The following ST6GALNAC3 variants were observed in gnomAD, a reference collection of about 807,000 sequenced individuals.
ST6GALNAC3 encodes the protein ST6 N-acetylgalactosaminide alpha-2,6-sialyltransferase 3, also known as alpha-N-acetylgalactosaminide alpha-2,6-sialyltransferase 3.
ST6GALNAC3 carries 25 observed loss-of-function variants against 32.7 expected under a neutral mutation model. The ratio of observed to expected loss-of-function variants is 0.76; its 90% CI spans 0.56 to 1.07. The LOEUF (loss-of-function observed/expected upper bound fraction) is 1.07, where lower values mean the gene tolerates loss of function less well. Ranked by LOEUF, ST6GALNAC3 falls within the 50% of genes least tolerant of loss-of-function variation. The pLI, the probability that ST6GALNAC3 is intolerant of heterozygous loss-of-function variation, is 0.00. For synonymous variants in ST6GALNAC3, 129 were observed against 133.1 expected, an observed-to-expected ratio of 0.97 and a Z score of 0.21; for missense variants, 355 against 382.4, an observed-to-expected ratio of 0.93 and a Z score of 0.60.
At chr1:76,226,810 G>A (rs527974) in intron 1 of ST6GALNAC3, among the ~76,000 whole-genome samples, 24,320 of 151,922 alleles carry the variant, frequency 0.16, 2,180 homozygotes, top group Middle Eastern at 0.22. Context: ...GATCCATCCC[G>A]CCTACACACA....
intron 1 of ST6GALNAC3, chr1:76,310,005 A>G: frequency 2.0e-6 from 1 of 497,282 alleles, no homozygotes; most frequent in South Asian, 1.5e-5. Context: ...TGCACACAAC[A>G]GTGGATTCAG....
chr1:76,084,497 A>C (rs2100731081), intron 1 of ST6GALNAC3, among the ~76,000 whole-genome samples: 1 of 152,188 alleles, frequency 6.6e-6, no homozygotes, highest in South Asian at 2.1e-4. Context: ...AAGCACTTTT[A>C]TTTGAGTTGT....
At chr1:76,295,101 T>TTG (rs1660317578) in intron 1 of ST6GALNAC3, among the ~76,000 whole-genome samples, 1 of 151,850 alleles carries the variant, frequency 6.6e-6, no homozygotes, top group Non-Finnish European at 1.5e-5. Context: ...ATTTTTTTTT[T>TTG]CCTCTGGAAG....
chr1:76,406,424 A>G (rs1169252190), intron 2 of ST6GALNAC3, among the ~76,000 whole-genome samples: 3 of 152,114 alleles, frequency 2.0e-5, no homozygotes, highest in Non-Finnish European at 4.4e-5. Flanking sequence ...AAACAGTTTG[A>G]AAAGCAAATT....
chr1:76,556,517 T>C (rs1400256925), intron 3 of ST6GALNAC3, among the ~76,000 whole-genome samples: 4 of 152,132 alleles, frequency 2.6e-5, no homozygotes, highest in African/African-American at 9.6e-5. Context: ...ATGAGGGTTC[T>C]GATTTCTCCA....
At chr1:76,340,844 T>C (rs1647906988) in intron 2 of ST6GALNAC3, among the ~76,000 whole-genome samples, 1 of 152,026 alleles carries the variant, frequency 6.6e-6, no homozygotes, top group Non-Finnish European at 1.5e-5. Context: ...CACCTTAGGT[T>C]TAAGGAGCTT....
In ST6GALNAC3 at chr1:76,264,335, A is replaced by G. The variant is rs569800216; in HGVS notation, c.19-49470A>G. On this transcript the variant is annotated intron_variant, in intron 1 of 4. Transcript: ENST00000328299. The stretch of plus-strand genomic sequence containing the variant: ...CTGTCTATCTATATTATAGTCATCA[A>G]ATTATCTTCAGTAACTATGTAGGTG... 2.6e-5 allele frequency among the ~76,000 whole-genome samples: 4 copies of G among 152,188 alleles called. No individual in the cohort carries two copies. In the South Asian group the frequency reaches 8.3e-4, roughly 32 times the overall value.
intron 3 of ST6GALNAC3, among the ~76,000 whole-genome samples, chr1:76,524,159 T>TCTGTTC (rs1381477859): frequency 6.6e-6 from 1 of 152,198 alleles, no homozygotes; most frequent in African/African-American, 2.4e-5. Flanking sequence ...AGCCTGCCAA[T>TCTGTTC]CTGTTCTTAT....
At chr1:76,222,000 G>A (rs1372275662) in intron 1 of ST6GALNAC3, among the ~76,000 whole-genome samples, 2 of 152,120 alleles carry the variant, frequency 1.3e-5, no homozygotes, top group African/African-American at 4.8e-5. Flanking sequence ...TGATTTTTCT[G>A]TTACTGGGTG....
At chr1:76,391,925 T>C (rs542058737) in intron 2 of ST6GALNAC3, among the ~76,000 whole-genome samples, 3 of 152,326 alleles carry the variant, frequency 2.0e-5, no homozygotes, top group South Asian at 4.1e-4. Flanking sequence ...ATGGCGCTTA[T>C]GTAGCTTATT....
intron 3 of ST6GALNAC3, among the ~76,000 whole-genome samples, chr1:76,494,328 T>C (rs949230612): frequency 6.6e-6 from 1 of 150,610 alleles, no homozygotes; most frequent in African/African-American, 2.4e-5. Context: ...CTCTTAAGTT[T>C]CTTGAATTAG....
At chr1:76,391,898 C>G (rs1360993062) in intron 2 of ST6GALNAC3, among the ~76,000 whole-genome samples, 1 of 152,168 alleles carries the variant, frequency 6.6e-6, no homozygotes, top group African/African-American at 2.4e-5. Flanking sequence ...ACTTGGAACA[C>G]AGAAAAGGTT....
intron 1 of ST6GALNAC3, among the ~76,000 whole-genome samples, chr1:76,279,359 C>T (rs1342715976): frequency 6.6e-6 from 1 of 152,190 alleles, no homozygotes; most frequent in African/African-American, 2.4e-5. Flanking sequence ...GATGCCTGAG[C>T]CCCGTGTTCT....
At chr1:76,422,958 T>C (rs1356404056) in intron 3 of ST6GALNAC3, among the ~76,000 whole-genome samples, 1 of 152,046 alleles carries the variant, frequency 6.6e-6, no homozygotes, top group Non-Finnish European at 1.5e-5. Flanking sequence ...CAGATGGTGC[T>C]GCTCAGTAGC....
chr1:76,165,812 T>A (rs1312431835), intron 1 of ST6GALNAC3, among the ~76,000 whole-genome samples: 1 of 152,214 alleles, frequency 6.6e-6, no homozygotes, highest in Non-Finnish European at 1.5e-5. Context: ...TGCATGTACA[T>A]CTTCTTTTGA....
rs571764266 is a variant in ST6GALNAC3 at position 76,099,190 on chromosome 1, T to A, written c.18+24306T>A. 5.9e-5 allele frequency among the ~76,000 whole-genome samples: 9 copies of A among 152,302 alleles called. No homozygotes were observed. In the South Asian group the frequency reaches 1.7e-3, roughly 28 times the overall value. On this transcript the variant is annotated intron_variant, in intron 1 of 4. Transcript: ENST00000328299. ...AAGTTTTATGATAAGTCTTTATTTC[T>A]GATAGAGCCAAACCTCCCACCTTGC...
At chr1:76,342,340 T>A (rs747013937) in intron 2 of ST6GALNAC3, among the ~76,000 whole-genome samples, 14 of 152,174 alleles carry the variant, frequency 9.2e-5, no homozygotes, top group Non-Finnish European at 1.3e-4. Flanking sequence ...TGTAAAAGCA[T>A]TCGTATTTCT....
intron 3 of ST6GALNAC3, among the ~76,000 whole-genome samples, chr1:76,442,334 GC>G (rs1174252832): frequency 6.6e-6 from 1 of 152,094 alleles, no homozygotes; most frequent in Admixed American, 6.5e-5. Context: ...ATTTCCACAA[GC>G]AAAACACAAA....
intron 1 of ST6GALNAC3, among the ~76,000 whole-genome samples, chr1:76,176,526 G>C (rs556797337): frequency 1.7e-3 from 253 of 152,320 alleles, no homozygotes; most frequent in Non-Finnish European, 3.0e-3. Flanking sequence ...AAAGACATCT[G>C]TGACGTTCAG....
Sources: allele counts gnomAD v4.1 joint callset (sites outside exome capture counted in the v4.1 genomes callset), GRCh38; gene constraint gnomAD v4.1.1; transcripts MANE v1.5; gene names NCBI Gene and HGNC (gene_info 2026-07-23, HGNC 2026-07-21).